The following PDE6C variants were observed in gnomAD, a reference collection of about 807,000 sequenced individuals.
PDE6C encodes phosphodiesterase 6C.
Under a neutral mutation model 113.1 loss-of-function variants are expected in PDE6C, and 75 were observed. That is an observed-to-expected ratio of 0.66 (90% confidence interval 0.55 to 0.80). The LOEUF (loss-of-function observed/expected upper bound fraction) is 0.80, where lower values mean the gene tolerates loss of function less well. Among genes scored for constraint, PDE6C ranks in the 30% least tolerant of loss-of-function variants. The pLI, the probability that PDE6C is intolerant of heterozygous loss-of-function variation, is 0.00. For missense variants in PDE6C, 912 were observed against 1,038.6 expected (o/e 0.88, Z 1.67); for synonymous variants, 375 against 363.7 (o/e 1.03, Z -0.35).
At chr10:93,635,772 A>T in intron 10 of PDE6C, 132 bp downstream of exon 10, 1 of 952,974 alleles carries the variant, frequency 1.0e-6, no homozygotes. Flanking sequence ...ACAGGGAAGG[A>T]GGGGTTGGAA....
At chr10:93,655,549 TCTTA>T (rs2058632438) in intron 15 of PDE6C, among the ~76,000 whole-genome samples, 1 of 146,006 alleles carries the variant, frequency 6.8e-6, no homozygotes, top group South Asian at 2.1e-4. Context: ...AATTAAATTA[TCTTA>T]CTTAAAGTAT....
intron 1 of PDE6C, among the ~76,000 whole-genome samples, chr10:93,615,770 C>T (rs574164326): frequency 6.6e-6 from 1 of 152,300 alleles, no homozygotes; most frequent in African/African-American, 2.4e-5. Context: ...TAAGCAGATA[C>T]AGGAGGAGGA....
chr10:93,614,015 C>A (rs2134588588), intron 1 of PDE6C, among the ~76,000 whole-genome samples: 1 of 152,202 alleles, frequency 6.6e-6, no homozygotes, highest in African/African-American at 2.4e-5. Flanking sequence ...ACAAATAAAC[C>A]AGAGGAGGAA....
chr10:93,646,045 G>C lies in PDE6C; in HGVS notation c.1933G>C (p.Glu645Gln), dbSNP rs369766290. The C allele has an allele frequency of 2.8e-5, 43 of 1,559,878 alleles. No individual in the cohort carries two copies. The highest frequency in any genetic ancestry group is 2.2e-4 in the African/African-American group (16 of 74,020). The change falls in exon 15 of 22, where the codon GAG becomes CAG. Residue 645 changes from glutamate to glutamine, a missense_variant and splice_region_variant. Glu to Gln is a conservative substitution (Grantham distance 29). Coordinates refer to ENST00000371447, the MANE Select transcript of PDE6C (RefSeq NM_006204.4). Reference sequence around the variant, plus strand: ...GTACAGTAAGACTCTGTTGCAGGATGAGGTACGTAAACCTCTCTTTAGGAC... The same window carrying C: ...GTACAGTAAGACTCTGTTGCAGGATCAGGTACGTAAACCTCTCTTTAGGAC... ...LEYSKTLLQD[E>Q]SLNIFQNLNK...
intron 3 of PDE6C, among the ~76,000 whole-genome samples, chr10:93,621,499 T>C (rs1055158158): frequency 6.6e-6 from 1 of 151,874 alleles, no homozygotes; most frequent in Non-Finnish European, 1.5e-5. Flanking sequence ...GAGAGGGAGG[T>C]CCCTTCCCGT....
In PDE6C at chr10:93,626,707, G is replaced by A. The variant is rs1189341284; in HGVS notation, c.1004+3G>A. On this transcript the variant is annotated splice_donor_region_variant and intron_variant, in intron 6 of 21. Transcript: ENST00000371447. ...AAAGAAGAGATCAAAGTGATTCCGT[G>A]AGTATTGGCAGGAAGTTGCTGCCGC... 2 of 1,606,474 alleles carry A rather than the reference G, an allele frequency of 1.2e-6. No individual in the cohort carries two copies. Among genetic ancestry groups the A allele is most frequent in the South Asian group, 2.2e-5 (2 of 90,934 alleles).
chr10:93,662,504 C>G, intron 19 of PDE6C, 56 bp from the exon 20 acceptor site: 2 of 642,862 alleles, frequency 3.1e-6, no homozygotes, highest in Non-Finnish European at 2.9e-6. Flanking sequence ...ACAAATCAGT[C>G]TGTTTTGTTC....
rs1441685797 is a variant in PDE6C, at chr10:93,640,526, A to G, written c.1706A>G (p.Asn569Ser). The change falls in exon 13 of 22, where the codon AAC becomes AGC. Residue 569 changes from asparagine to serine, a missense_variant. Transcript: ENST00000371447. The stretch of plus-strand genomic sequence containing the variant: ...TACCACAATTGGCGGCATGGGTTCA[A>G]CGTGGGGCAGACCATGTTTACTTTG... ...VTYHNWRHGF[N>S]VGQTMFTLLM... 1 of 1,613,542 alleles carries G rather than the reference A, an allele frequency of 6.2e-7. No homozygotes were observed. Among genetic ancestry groups the G allele is most frequent in the East Asian group, 2.2e-5 (1 of 44,872 alleles).
chr10:93,619,055 G>A (rs1008167096), intron 1 of PDE6C, among the ~76,000 whole-genome samples: 2 of 152,184 alleles, frequency 1.3e-5, no homozygotes, highest in Non-Finnish European at 2.9e-5. Flanking sequence ...GGTTCAAAGG[G>A]AAGAATGTCA....
rs765158745 is a variant in PDE6C, at chr10:93,658,982, T to C, written c.2118T>C (p.Val706=). 1 of 1,610,594 alleles carries C rather than the reference T, an allele frequency of 6.2e-7. No individual in the cohort carries two copies. The highest frequency in any genetic ancestry group is 1.1e-5 in the South Asian group (1 of 91,030). ...AAGAAGCCATCAAATATGTAACTGT[T>C]GATCCAACCAAGAAAGAGATTATCA... ...TEEEAIKYVT[V]DPTKKEIIMA... The change falls in exon 17 of 22, where the codon GTT becomes GTC. Residue 706 remains valine (V), a synonymous_variant. Coordinates refer to ENST00000371447, the MANE Select transcript of PDE6C (RefSeq NM_006204.4).
At chr10:93,654,412 C>T (rs1474975762) in intron 15 of PDE6C, among the ~76,000 whole-genome samples, 4 of 152,148 alleles carry the variant, frequency 2.6e-5, no homozygotes, top group Non-Finnish European at 4.4e-5. Context: ...TGTTTAACCT[C>T]GGGCAAGTTA....
intron 9 of PDE6C, 59 bp downstream of exon 9, chr10:93,634,966 G>T: frequency 6.5e-7 from 1 of 1,531,586 alleles, no homozygotes; most frequent in South Asian, 1.1e-5. Flanking sequence ...GAGAGGGCAC[G>T]TAATTATTTG....
chr10:93,618,210 C>A (rs2058429062), intron 1 of PDE6C, among the ~76,000 whole-genome samples: 1 of 152,140 alleles, frequency 6.6e-6, no homozygotes, highest in Non-Finnish European at 1.5e-5. Flanking sequence ...AAAAGAACTA[C>A]TTCTCATTCA....
chr10:93,612,567 A>T lies in PDE6C; in HGVS notation c.-159A>T, dbSNP rs79102194. ...ATCCCAAGAGTTACAGGCAGTTTGA[A>T]AGCTCTGCTTTCTGCTTGACCTTTG... On this transcript the variant is annotated 5_prime_UTR_variant, in exon 1 of 22. Coordinates refer to ENST00000371447, the MANE Select transcript of PDE6C (RefSeq NM_006204.4). 9 of 957,322 alleles carry T rather than the reference A, an allele frequency of 9.4e-6. No individual in the cohort carries two copies. The highest frequency in any genetic ancestry group is 3.8e-5 in the Admixed American group (2 of 52,448). The allele number at this position is 957,322 out of a possible 1,614,324, so 59.3% of individuals were successfully genotyped here. A position where few individuals can be genotyped will look rare whatever the true frequency, so the allele number is the denominator to read the frequency against.
intron 11 of PDE6C, among the ~76,000 whole-genome samples, chr10:93,638,248 C>T (rs77564163): frequency 6.6e-6 from 1 of 150,438 alleles, no homozygotes; most frequent in South Asian, 2.1e-4. Flanking sequence ...CACCTTCTCC[C>T]TTTCCATCTT....
intron 9 of PDE6C, 29 bp from the exon 10 acceptor site, chr10:93,635,468 G>T: frequency 6.3e-7 from 1 of 1,599,894 alleles, no homozygotes; most frequent in Non-Finnish European, 8.6e-7. Flanking sequence ...TCACTGAAGA[G>T]AATTAGAATC....
At chr10:93,626,735 T>C (rs772680138) in intron 6 of PDE6C, 31 bp downstream of exon 6, 2 of 1,603,066 alleles carry the variant, frequency 1.2e-6, no homozygotes, top group South Asian at 1.1e-5. Context: ...GCTGCCGCAG[T>C]TGCCGTTGTA....
rs1277017995 is a variant in PDE6C at position 93,662,125 on chromosome 10, C to G, written c.2275C>G (p.Gln759Glu). The change falls in exon 19 of 22, where the codon CAA (glutamine) becomes GAA (glutamate). Residue 759 changes from glutamine to glutamate, a missense_variant. Transcript: ENST00000371447. The stretch of plus-strand genomic sequence containing the variant: ...TCTGGAGAGAACAGTGTTGCAGCAA[C>G]AACCCATTGTAAGACCTTGACATAA... ...GDLERTVLQQQPIPMMDRNKR... is the reference protein window; with the variant it reads ...GDLERTVLQQEPIPMMDRNKR... The G allele has an allele frequency of 6.3e-7, 1 of 1,599,618 alleles. No individual in the cohort carries two copies. The highest frequency in any genetic ancestry group is 1.7e-5 in the Admixed American group (1 of 59,990).
In PDE6C at chr10:93,621,973, A is replaced by T; in HGVS notation, c.765A>T (p.Thr255=). Residue 255 remains threonine, a synonymous_variant, in exon 4 of 22, where the codon ACA becomes ACT. Coordinates refer to ENST00000371447, the MANE Select transcript of PDE6C (RefSeq NM_006204.4). The part of the protein sequence containing the change: ...WSANKVFEEL[T]DVERQFHKAL... ...CCAATAAAGTATTTGAAGAACTCAC[A>T]GATGTTGAGCGACAGTTTCACAAAG... 1 of 1,614,030 alleles carries T rather than the reference A, an allele frequency of 6.2e-7. No homozygotes were observed. Among genetic ancestry groups the T allele is most frequent in the Non-Finnish European group, 8.5e-7 (1 of 1,179,936 alleles).
Sources: gnomAD v4.1 joint callset for allele counts (sites outside exome capture counted in the v4.1 genomes callset) on GRCh38, gnomAD v4.1.1 for gene constraint, MANE v1.5 for transcripts, NCBI Gene and HGNC (gene_info 2026-07-23, HGNC 2026-07-21) for gene names.